Variants in MCM7 observed in about 807,000 individuals in gnomAD.
MCM7 encodes minichromosome maintenance complex component 7.
In MCM7, 95 loss-of-function variants were observed where a neutral mutation model predicts 83.5. The observed-to-expected ratio is 1.14, with a 90% CI of 0.96 to 1.35. The LOEUF is 1.35. MCM7 is among the 40% of genes most tolerant of loss of function. The pLI is 0.00. For synonymous variants in MCM7, 461 were observed against 352.7 expected, an observed-to-expected ratio of 1.31 and a Z score of -3.44; for missense variants, 1,087 against 957.4, an observed-to-expected ratio of 1.14 and a Z score of -1.79.
rs556955748 is a variant in MCM7, at chr7:100,101,338, C to T, written c.-44G>A. 6.2e-6 allele frequency: 10 copies of T among 1,612,168 alleles called. No homozygotes were observed. The highest frequency in any genetic ancestry group is 2.7e-5 in the African/African-American group (2 of 75,060). On this transcript the variant is annotated 5_prime_UTR_variant, in exon 1 of 15. Coordinates refer to ENST00000303887, the MANE Select transcript of MCM7 (RefSeq NM_005916.5). Reference sequence around the variant, plus strand: ...GGCCGCGCTTGGCGGGCTCAGAGGTCTTGCTCCTGGGGAAGCTGAGAATCT... The same window carrying T: ...GGCCGCGCTTGGCGGGCTCAGAGGTTTTGCTCCTGGGGAAGCTGAGAATCT...
rs757898534 is a variant in MCM7 at position 100,093,112 on chromosome 7, CA to C, written c.1979del (p.Val660GlyfsTer104). The stretch of plus-strand genomic sequence containing the variant: ...CCAGTTCACGGACGGTGGCAAATAT[CA>C]CATCTGCTGGTCTCTGAGTCCTGAA... ...QTARTQRPADVIFATVRELVS... is the reference protein window; with the variant it reads ...QTARTQRPADXIFATVRELVS... On this transcript the variant is annotated frameshift_variant, in exon 15 of 15. Transcript: ENST00000303887. LOFTEE classifies it high-confidence loss of function. 8.7e-6 allele frequency: 14 copies of C among 1,613,932 alleles called. No homozygotes were observed. The highest frequency in any genetic ancestry group is 1.2e-5 in the Non-Finnish European group (14 of 1,179,972).
In MCM7 at chr7:100,093,279, C is replaced by T; in HGVS notation, c.1958+13G>A. On this transcript the variant is annotated intron_variant, in intron 14 of 14. Coordinates refer to ENST00000303887, the MANE Select transcript of MCM7 (RefSeq NM_005916.5). ...CAAAGTGACACAGCTTTGTCCTTCA[C>T]TAAACCACTCACCTAGCTGTCTGCC... 6.2e-7 allele frequency: 1 copy of T among 1,611,508 alleles called. No homozygotes were observed. The highest frequency in any genetic ancestry group is 8.5e-7 in the Non-Finnish European group (1 of 1,178,710).
At position 100,097,872 on chromosome 7, in the gene MCM7, G is replaced by T. The variant is rs61754762; in HGVS notation, c.947C>A (p.Ala316Asp). 2.0e-4 allele frequency: 329 copies of T among 1,614,124 alleles called. No homozygotes were observed. In the African/African-American group the frequency reaches 4.0e-3, roughly 20 times the overall value. Reference sequence around the variant, plus strand: ...CAGCTCCTCCCTGGTGAGCTCTCCAGCCCCAGACTCATCATCCTCACTCTT... The same window carrying T: ...CAGCTCCTCCCTGGTGAGCTCTCCATCCCCAGACTCATCATCCTCACTCTT... ...MNKSEDDESG[A>D]GELTREELRQ... Residue 316 changes from alanine (A) to aspartate (D), a missense_variant, in exon 8 of 15, where the codon GCT becomes GAT. Physicochemically the swap from Ala to Asp is moderately radical, Grantham distance 126 (BLOSUM62 -2). Coordinates refer to ENST00000303887, the MANE Select transcript of MCM7 (RefSeq NM_005916.5).
rs2261363 is a variant in MCM7 at position 100,095,729 on chromosome 7, A to G, written c.1595+45T>C. 9.4e-4 allele frequency: 1,435 copies of G among 1,529,284 alleles called. 22 individuals are homozygous for G. The East Asian group carries it at 0.028, about 30-fold the overall frequency. The allele number at this position is 1,529,284 out of a possible 1,614,324, so 94.7% of individuals were successfully genotyped here. A position where few individuals can be genotyped will look rare whatever the true frequency, so the allele number is the denominator to read the frequency against. On this transcript the variant is annotated intron_variant, in intron 11 of 14. Coordinates refer to ENST00000303887, the MANE Select transcript of MCM7 (RefSeq NM_005916.5). ...GATTCACCTCTCCTCCTCCCTACAC[A>G]GATCATTACAGGGGACCTCTCTTTG... is the stretch of plus-strand genomic sequence containing the variant.
rs774274421 is a variant in MCM7 at position 100,100,065 on chromosome 7, G to C, written c.60C>G (p.Phe20Leu). Residue 20 changes from phenylalanine (F) to leucine (L), a missense_variant, in exon 2 of 15, where the codon TTC becomes TTG. By Grantham distance (22) the Phe-to-Leu change is conservative. Coordinates refer to ENST00000303887, the MANE Select transcript of MCM7 (RefSeq NM_005916.5). ...KEKVKKFLQE[F>L]YQDDELGKKQ... ...TCTTCCCGAGTTCATCATCCTGGTAGAACTCTTGTAAGAACTTCTTAACCT... is the reference window on the plus strand; with the variant it reads ...TCTTCCCGAGTTCATCATCCTGGTACAACTCTTGTAAGAACTTCTTAACCT... The C allele has an allele frequency of 3.1e-6, 5 of 1,614,010 alleles. No individual in the cohort carries two copies. Among genetic ancestry groups the C allele is most frequent in the South Asian group, 1.1e-5 (1 of 91,082 alleles).
intron 12 of MCM7, among the ~76,000 whole-genome samples, chr7:100,094,917 T>C (rs1795536798): frequency 6.6e-6 from 1 of 152,186 alleles, no homozygotes; most frequent in Non-Finnish European, 1.5e-5. Flanking sequence ...TTATTAAAAA[T>C]ATTTTTGTGG....
At position 100,094,033 on chromosome 7, in the gene MCM7, G is replaced by C. The variant is rs766789092; in HGVS notation, c.1848+140C>G. The C allele has an allele frequency of 6.6e-6, 7 of 1,061,312 alleles. No homozygotes were observed. The African/African-American group carries it at 9.3e-5, about 14-fold the overall frequency. 65.7% of individuals were successfully genotyped at this position (1,061,312 alleles called of 1,614,324 possible). A position where few individuals can be genotyped will look rare whatever the true frequency, so the allele number is the denominator to read the frequency against. ...AGTACCCACAGTGCGGTAGCACGGA[G>C]AGGACCACTATCTGCACTGTCAGCA... is the stretch of plus-strand genomic sequence containing the variant. On this transcript the variant is annotated intron_variant, in intron 13 of 14. Transcript: ENST00000303887.
chr7:100,100,145 G>A (rs1207954429), intron 1 of MCM7, 52 bp from the exon 2 acceptor site: 7 of 1,600,584 alleles, frequency 4.4e-6, no homozygotes, highest in Admixed American at 1.7e-5. Flanking sequence ...ACAAATCTTA[G>A]ATACCCATTT....
At chr7:100,094,431 C>G in intron 12 of MCM7, 90 bp from the exon 13 acceptor site, 1 of 1,440,990 alleles carries the variant, frequency 6.9e-7, no homozygotes, top group Non-Finnish European at 9.5e-7. Flanking sequence ...CAGGGCTCCC[C>G]ATTTAACATG....
Position 100,099,312 on chromosome 7 carries a change from T to A in MCM7, c.368A>T (p.Gln123Leu). ...CATGAGTTCAGCAGGGTACTGGTTC[T>A]GGGGGCTTCGGACCATCCCAGGGTC... ...SRDPGMVRSP[Q>L]NQYPAELMRR... Residue 123 changes from glutamine to leucine, a missense_variant, in exon 4 of 15, where the codon CAG (glutamine) becomes CTG (leucine). Coordinates refer to ENST00000303887, the MANE Select transcript of MCM7 (RefSeq NM_005916.5). 6.2e-7 allele frequency: 1 copy of A among 1,613,286 alleles called. No homozygotes were observed. The highest frequency in any genetic ancestry group is 8.5e-7 in the Non-Finnish European group (1 of 1,179,914).
rs188170668 is a variant in MCM7 at position 100,101,000 on chromosome 7, G to A, written c.31+264C>T. On this transcript the variant is annotated intron_variant, in intron 1 of 14. Coordinates refer to ENST00000303887, the MANE Select transcript of MCM7 (RefSeq NM_005916.5). Reference sequence around the variant, plus strand: ...ACTTTTCCCTGTGCAGCCCCCAGCCGGGTTAGCGCGCCCCCAAGCCCCCAA... The same window carrying A: ...ACTTTTCCCTGTGCAGCCCCCAGCCAGGTTAGCGCGCCCCCAAGCCCCCAA... 44 of 830,294 alleles carry A rather than the reference G, an allele frequency of 5.3e-5. No individual in the cohort carries two copies. The East Asian group carries it at 1.2e-3, about 22-fold the overall frequency. The allele number at this position is 830,294 out of a possible 1,614,324, so 51.4% of individuals were successfully genotyped here.
chr7:100,093,773 G>T (rs542848861), intron 13 of MCM7: 1 of 611,780 alleles, frequency 1.6e-6, no homozygotes, highest in South Asian at 1.4e-5. Flanking sequence ...GTGTCCCGGG[G>T]GCTCGGGAAG....
At chr7:100,096,234 A>C (rs1795629897) in intron 10 of MCM7, 67 bp from the exon 11 acceptor site, 1 of 1,478,090 alleles carries the variant, frequency 6.8e-7, no homozygotes, top group Non-Finnish European at 9.0e-7. Context: ...AAAAGACAAC[A>C]AACGGGCCAG....
At position 100,099,018 on chromosome 7, in the gene MCM7, C is replaced by G; in HGVS notation, c.582+5G>C. 6.2e-7 allele frequency: 1 copy of G among 1,614,116 alleles called. No individual in the cohort carries two copies. Among genetic ancestry groups the G allele is most frequent in the Non-Finnish European group, 8.5e-7 (1 of 1,179,960 alleles). ...GTGCTTTCCTGCTTCTTGCTCCACA[C>G]GTACCGGCTGGTAGGTCTCTGCCCC... On this transcript the variant is annotated splice_donor_5th_base_variant and intron_variant, in intron 5 of 14. Transcript: ENST00000303887.
rs1447894938 is a variant in MCM7 at position 100,097,287 on chromosome 7, G to A, written c.1201+14C>T. 5.6e-6 allele frequency: 9 copies of A among 1,612,832 alleles called. No homozygotes were observed. The highest frequency in any genetic ancestry group is 1.3e-5 in the African/African-American group (1 of 74,862). ...TGTCACTATATTCACCTCCCGCAAA[G>A]CCCAACTACTTACTGCGAGGCGCCA... On this transcript the variant is annotated intron_variant, in intron 10 of 14. Transcript: ENST00000303887.
rs1196235651 is a variant in MCM7, at chr7:100,099,128, C to G, written c.477G>C (p.Lys159Asn). Residue 159 changes from lysine (K) to asparagine (N), a missense_variant, in exon 5 of 15, where the codon AAG becomes AAC. Coordinates refer to ENST00000303887, the MANE Select transcript of MCM7 (RefSeq NM_005916.5). ...IREVRADSVG[K>N]LVTVRGIVTR... ...TGACGATTCCACGCACAGTTACCAA[C>G]TTCCCCACAGAGTCAGCCCGCACTT... is the stretch of plus-strand genomic sequence containing the variant. 38 of 1,614,094 alleles carry G rather than the reference C, an allele frequency of 2.4e-5. No homozygotes were observed. Among genetic ancestry groups the G allele is most frequent in the Non-Finnish European group, 2.6e-5 (31 of 1,180,052 alleles).
At chr7:100,097,090 G>A (rs1475256981) in intron 10 of MCM7, among the ~76,000 whole-genome samples, 1 of 152,176 alleles carries the variant, frequency 6.6e-6, no homozygotes, top group African/African-American at 2.4e-5. Flanking sequence ...GAAAGAGCAA[G>A]CCTCTATCTC....
Position 100,097,351 on chromosome 7 carries a change from C to G in MCM7, c.1151G>C (p.Gly384Ala), listed in dbSNP as rs1795695087. 1.9e-6 allele frequency: 3 copies of G among 1,614,042 alleles called. No individual in the cohort carries two copies. The highest frequency in any genetic ancestry group is 1.7e-6 in the Non-Finnish European group (2 of 1,180,028). The part of the protein sequence containing the change: ...NINICLMGDP[G>A]VAKSQLLSYI... The stretch of plus-strand genomic sequence containing the variant: ...TGACAGGAGCTGAGACTTGGCCACA[C>G]CAGGATCCCCCATCAGACAGATGTT... The change falls in exon 10 of 15, where the codon GGT becomes GCT. Residue 384 changes from glycine (G) to alanine (A), a missense_variant. Gly to Ala is a moderately conservative substitution (Grantham distance 60). Coordinates refer to ENST00000303887, the MANE Select transcript of MCM7 (RefSeq NM_005916.5).
Position 100,101,380 on chromosome 7 carries a change from G to A in MCM7, c.-86C>T, listed in dbSNP as rs1174406204. The A allele has an allele frequency of 3.0e-5, 48 of 1,580,178 alleles. No homozygotes were observed. Among genetic ancestry groups the A allele is most frequent in the Non-Finnish European group, 4.1e-5 (48 of 1,157,114 alleles). ...TGAGAATCTCCGCGCGGTGGACTGT[G>A]GCCGGCCAACCGAAATTGGCGCGAA... On this transcript the variant is annotated 5_prime_UTR_variant, in exon 1 of 15. Coordinates refer to ENST00000303887, the MANE Select transcript of MCM7 (RefSeq NM_005916.5).
Sources: allele counts gnomAD v4.1 joint callset (sites outside exome capture counted in the v4.1 genomes callset), GRCh38; gene constraint gnomAD v4.1.1; transcripts MANE v1.5; gene names NCBI Gene and HGNC (gene_info 2026-07-23, HGNC 2026-07-21).